The following DOCK4 variants were observed in gnomAD, a reference collection of about 807,000 sequenced individuals.
DOCK4 encodes the protein dedicator of cytokinesis 4, also known as dedicator of cytokinesis protein 4.
In DOCK4, 97 loss-of-function variants were observed where a neutral mutation model predicts 268.1. The ratio of observed to expected loss-of-function variants is 0.36; its 90% CI spans 0.31 to 0.43. DOCK4 has a LOEUF of 0.43. Among genes scored for constraint, DOCK4 ranks in the 20% least tolerant of loss-of-function variants. The probability of loss-of-function intolerance (pLI) is 1.00; values close to 1 mark genes in which losing one functional copy is unlikely to be tolerated. For missense variants in DOCK4, 2,145 were observed against 2,455.7 expected (o/e 0.87, Z 2.67); for synonymous variants, 954 against 887.2 (o/e 1.08, Z -1.34).
At chr7:112,075,805 A>G (rs944293170) in intron 1 of DOCK4, among the ~76,000 whole-genome samples, 2 of 152,160 alleles carry the variant, frequency 1.3e-5, no homozygotes, top group African/African-American at 4.8e-5. Flanking sequence ...TTACAGAAAT[A>G]AATACTATTA....
intron 42 of DOCK4, among the ~76,000 whole-genome samples, chr7:111,752,114 ATGAAG>A (rs1478323310): frequency 6.6e-6 from 1 of 152,208 alleles, no homozygotes; most frequent in African/African-American, 2.4e-5. Context: ...ATATTTGTAG[ATGAAG>A]TGATATGACA....
rs182215298 is a variant in DOCK4 at position 112,052,529 on chromosome 7, G to T, written c.38-48398C>A. On this transcript the variant is annotated intron_variant, in intron 1 of 52. Coordinates refer to ENST00000428084, the MANE Select transcript of DOCK4 (RefSeq NM_001363540.2). ...ATATTTCTTTGAAATTCATTACAAA[G>T]TTATGTTATTTCAGTGAAGGATCCC... Among the ~76,000 whole-genome samples the T allele has an allele frequency of 2.0e-3, 310 of 152,016 alleles. 2 individuals are homozygous for T. The highest frequency in any genetic ancestry group is 7.0e-3 in the African/African-American group (291 of 41,462).
At chr7:111,746,160 G>T (rs6951280) in intron 44 of DOCK4, among the ~76,000 whole-genome samples, 174 bp downstream of exon 44, 3 of 151,920 alleles carry the variant, frequency 2.0e-5, no homozygotes, top group Non-Finnish European at 4.4e-5. Flanking sequence ...TTTTTGCATC[G>T]GAGTGGGAAG....
intron 16 of DOCK4, among the ~76,000 whole-genome samples, chr7:111,886,268 G>A (rs1192937602): frequency 6.6e-6 from 1 of 152,104 alleles, no homozygotes; most frequent in African/African-American, 2.4e-5. Flanking sequence ...AGTTTTTGGA[G>A]GAAAATACCT....
intron 1 of DOCK4, among the ~76,000 whole-genome samples, chr7:112,153,896 A>C (rs954750510): frequency 6.6e-6 from 1 of 152,190 alleles, no homozygotes; most frequent in African/African-American, 2.4e-5. Context: ...TCAGCCTCTA[A>C]GTTAAAAGCT....
chr7:112,190,103 T>A (rs977224333), intron 1 of DOCK4, among the ~76,000 whole-genome samples: 2 of 152,168 alleles, frequency 1.3e-5, no homozygotes, highest in Admixed American at 1.3e-4. Context: ...TGGACAACCT[T>A]GTATATAAAT....
intron 1 of DOCK4, among the ~76,000 whole-genome samples, chr7:112,132,802 T>C (rs1813928292): frequency 1.3e-5 from 2 of 152,176 alleles, no homozygotes; most frequent in Non-Finnish European, 2.9e-5. Flanking sequence ...AATTTACTCC[T>C]GGTTTAAACT....
At chr7:112,103,873 C>G (rs1363858349) in intron 1 of DOCK4, among the ~76,000 whole-genome samples, 1 of 152,158 alleles carries the variant, frequency 6.6e-6, no homozygotes, top group Non-Finnish European at 1.5e-5. Flanking sequence ...CAGAGAGAAA[C>G]TCTGTCTCAA....
At chr7:111,747,194 G>C (rs1796335368) in intron 43 of DOCK4, 73 bp downstream of exon 43, 1 of 1,473,910 alleles carries the variant, frequency 6.8e-7, no homozygotes, top group Non-Finnish European at 9.2e-7. Context: ...TACATAGTCT[G>C]AAAAAAGATT....
At chr7:111,954,061 A>T (rs761039318) in intron 8 of DOCK4, among the ~76,000 whole-genome samples, 44 of 152,218 alleles carry the variant, frequency 2.9e-4, no homozygotes, top group South Asian at 1.4e-3. Context: ...TCATTTATGT[A>T]TGAAATATAC....
Position 111,974,768 on chromosome 7 carries a change from G to A in DOCK4, c.701+2364C>T, listed in dbSNP as rs75295181. 2.7e-3 allele frequency among the ~76,000 whole-genome samples: 409 copies of A among 152,062 alleles called. 4 individuals carry two copies. The highest frequency in any genetic ancestry group is 9.4e-3 in the African/African-American group (391 of 41,480). On this transcript the variant is annotated intron_variant, in intron 8 of 52. Coordinates refer to ENST00000428084, the MANE Select transcript of DOCK4 (RefSeq NM_001363540.2). ...CAACATTTTGGCAGACCCTGTACCC[G>A]GGTTATTATCTTACTTTTGCTAAGG... is the stretch of plus-strand genomic sequence containing the variant.
At chr7:111,926,824 CAAAGAAAAAAG>C (rs1264686510) in intron 12 of DOCK4, among the ~76,000 whole-genome samples, 1 of 114,552 alleles carries the variant, frequency 8.7e-6, no homozygotes, top group Non-Finnish European at 1.7e-5. Flanking sequence ...CAGCGTGAGG[CAAAGAAAAAAG>C]AAAGAAAGAG....
chr7:111,863,277 G>A (rs564039883), intron 23 of DOCK4, 95 bp downstream of exon 23: 3 of 1,317,648 alleles, frequency 2.3e-6, no homozygotes, highest in East Asian at 4.7e-5. Flanking sequence ...ATGCCTTTTA[G>A]TGTTTTGTTT....
intron 1 of DOCK4, among the ~76,000 whole-genome samples, chr7:112,106,129 G>A (rs1283328589): frequency 6.6e-6 from 1 of 152,212 alleles, no homozygotes; most frequent in African/African-American, 2.4e-5. Context: ...TTCTGGGGAG[G>A]TGACAATGGA....
At chr7:112,184,223 C>T (rs757656978) in intron 1 of DOCK4, among the ~76,000 whole-genome samples, 1 of 152,178 alleles carries the variant, frequency 6.6e-6, no homozygotes, top group Non-Finnish European at 1.5e-5. Flanking sequence ...AGACCTAGTA[C>T]CTACCACAAT....
intron 2 of DOCK4, among the ~76,000 whole-genome samples, chr7:112,002,379 A>T (rs1800497398): frequency 6.6e-6 from 1 of 152,248 alleles, no homozygotes; most frequent in Non-Finnish European, 1.5e-5. Flanking sequence ...AAAGTCTTAG[A>T]TTACAAAACA....
intron 1 of DOCK4, among the ~76,000 whole-genome samples, chr7:112,163,515 A>G (rs543657966): frequency 2.0e-5 from 3 of 152,316 alleles, no homozygotes; most frequent in African/African-American, 7.2e-5. Context: ...ATGTCAGCCA[A>G]TGAATGGTTG....
chr7:111,940,319 A>T (rs531144862), intron 10 of DOCK4, 77 bp from the exon 11 acceptor site: 2 of 1,579,938 alleles, frequency 1.3e-6, no homozygotes, highest in African/African-American at 2.7e-5. Flanking sequence ...ACATACAGCT[A>T]TAAGATAGGC....
intron 1 of DOCK4, among the ~76,000 whole-genome samples, chr7:112,071,586 T>C (rs1478435801): frequency 6.6e-6 from 1 of 152,236 alleles, no homozygotes; most frequent in East Asian, 1.9e-4. Flanking sequence ...AATGATTCTA[T>C]TCCAATAGGA....
Sources: gnomAD v4.1 joint callset for allele counts (sites outside exome capture counted in the v4.1 genomes callset) on GRCh38, gnomAD v4.1.1 for gene constraint, MANE v1.5 for transcripts, NCBI Gene and HGNC (gene_info 2026-07-23, HGNC 2026-07-21) for gene names.